MTSS1: variants seen among roughly 807,000 people sequenced by gnomAD.
The protein encoded by MTSS1 is MTSS I-BAR domain containing 1.
A neutral mutation model predicts 79.0 loss-of-function variants in MTSS1; 18 were observed. The ratio of observed to expected loss-of-function variants is 0.23; its 90% CI spans 0.16 to 0.34. The LOEUF (loss-of-function observed/expected upper bound fraction) is 0.34, where lower values mean the gene tolerates loss of function less well. Among genes scored for constraint, MTSS1 ranks in the 10% least tolerant of loss-of-function variants. The probability of loss-of-function intolerance (pLI) is 1.00; values close to 1 mark genes in which losing one functional copy is unlikely to be tolerated. For missense variants in MTSS1, 815 were observed against 986.2 expected, an observed-to-expected ratio of 0.83 and a Z score of 2.33; for synonymous variants, 341 against 368.6, an observed-to-expected ratio of 0.93 and a Z score of 0.86.
intron 3 of MTSS1, among the ~76,000 whole-genome samples, chr8:124,607,579 G>A (rs1353972206): frequency 6.6e-6 from 1 of 152,146 alleles, no homozygotes; most frequent in East Asian, 1.9e-4. Flanking sequence ...AGGAGAGAAA[G>A]CAGCACCGTG....
intron 3 of MTSS1, among the ~76,000 whole-genome samples, chr8:124,636,206 TG>T (rs1488194898): frequency 1.3e-5 from 2 of 152,204 alleles, no homozygotes; most frequent in Non-Finnish European, 2.9e-5. Flanking sequence ...CTCCGCTCAC[TG>T]CAACCTCTGC....
chr8:124,663,250 AAGAC>A (rs527762821), intron 3 of MTSS1, among the ~76,000 whole-genome samples: 79 of 152,234 alleles, frequency 5.2e-4, no homozygotes, highest in Middle Eastern at 3.4e-3. Flanking sequence ...ACCTCATGCT[AAGAC>A]AGACAGACAG....
At chr8:124,584,634 C>T (rs1486229364) in intron 6 of MTSS1, among the ~76,000 whole-genome samples, 6 of 152,178 alleles carry the variant, frequency 3.9e-5, no homozygotes, top group African/African-American at 1.4e-4. Flanking sequence ...CCTGTATGGC[C>T]ATGACTCCCA....
chr8:124,679,750 C>T (rs895447209), intron 3 of MTSS1, among the ~76,000 whole-genome samples: 2 of 152,238 alleles, frequency 1.3e-5, no homozygotes, highest in African/African-American at 4.8e-5. Context: ...AATGCCAACA[C>T]AAGACTTATA....
At chr8:124,606,169 T>C (rs112961407) in intron 3 of MTSS1, among the ~76,000 whole-genome samples, 2 of 114,552 alleles carry the variant, frequency 1.7e-5, no homozygotes, top group Admixed American at 1.7e-4. Flanking sequence ...GTTTGGTTTT[T>C]TGTTTTTTTT....
chr8:124,679,282 G>A (rs769828770), intron 3 of MTSS1, among the ~76,000 whole-genome samples: 6 of 152,190 alleles, frequency 3.9e-5, no homozygotes, highest in Non-Finnish European at 8.8e-5. Context: ...CACTGCAGTC[G>A]CACACTGTAG....
chr8:124,717,938 T>C (rs2135738147), intron 1 of MTSS1, among the ~76,000 whole-genome samples: 1 of 152,246 alleles, frequency 6.6e-6, no homozygotes, highest in South Asian at 2.1e-4. Context: ...ACCAAATGAA[T>C]TAATTAGAGA....
At chr8:124,605,848 A>G (rs1834741697) in intron 3 of MTSS1, among the ~76,000 whole-genome samples, 1 of 152,130 alleles carries the variant, frequency 6.6e-6, no homozygotes, top group South Asian at 2.1e-4. Flanking sequence ...TATTAGGAAT[A>G]GCTCCCATTT....
intron 3 of MTSS1, among the ~76,000 whole-genome samples, chr8:124,646,990 C>T (rs139106374): frequency 8.3e-4 from 127 of 152,228 alleles, no homozygotes; most frequent in Middle Eastern, 3.4e-3. Flanking sequence ...GGACTACAGG[C>T]ATGTGCCACC....
At chr8:124,670,216 G>A (rs922564478) in intron 3 of MTSS1, among the ~76,000 whole-genome samples, 3 of 152,158 alleles carry the variant, frequency 2.0e-5, no homozygotes, top group Non-Finnish European at 4.4e-5. Flanking sequence ...GCCCTCCTGA[G>A]GTTATATTTG....
At chr8:124,711,423 T>C (rs1321189264) in intron 1 of MTSS1, among the ~76,000 whole-genome samples, 1 of 152,124 alleles carries the variant, frequency 6.6e-6, no homozygotes, top group Non-Finnish European at 1.5e-5. Flanking sequence ...CAGGTTGCAA[T>C]AGGATGCCAG....
intron 3 of MTSS1, among the ~76,000 whole-genome samples, chr8:124,619,932 T>TTTTTCTTTTC (rs138460701): frequency 0.011 from 1,683 of 149,668 alleles, 32 homozygotes; most frequent in African/African-American, 0.033. Context: ...AGCACAACTG[T>TTTTTCTTTTC]TTTTCTTTTC....
chr8:124,665,179 T>C (rs78068845), intron 3 of MTSS1, among the ~76,000 whole-genome samples: 3 of 152,208 alleles, frequency 2.0e-5, no homozygotes, highest in Admixed American at 1.3e-4. Flanking sequence ...ATGTCTATAA[T>C]AAGAAGCAGG....
chr8:124,668,405 T>G (rs1823515449), intron 3 of MTSS1, among the ~76,000 whole-genome samples: 1 of 152,132 alleles, frequency 6.6e-6, no homozygotes, highest in African/African-American at 2.4e-5. Context: ...TCAGCTCACA[T>G]CTACGGCAGG....
chr8:124,622,695 A>T (rs1369915183), intron 3 of MTSS1, among the ~76,000 whole-genome samples: 1 of 150,854 alleles, frequency 6.6e-6, no homozygotes, highest in African/African-American at 2.4e-5. Flanking sequence ...CGGGAGGCTG[A>T]GGCAGGAGAA....
At chr8:124,565,925 A>T (rs1358914198) in intron 8 of MTSS1, 166 bp from the exon 9 acceptor site, 1 of 522,556 alleles carries the variant, frequency 1.9e-6, no homozygotes, top group Non-Finnish European at 3.4e-6. Flanking sequence ...ACAGTACCAA[A>T]TCCATCAATA....
chr8:124,710,294 G>C (rs1043814811), intron 1 of MTSS1, among the ~76,000 whole-genome samples: 1 of 152,246 alleles, frequency 6.6e-6, no homozygotes, highest in African/African-American at 2.4e-5. Flanking sequence ...GGTGATGGGA[G>C]AACCTGGCTA....
intron 3 of MTSS1, among the ~76,000 whole-genome samples, chr8:124,593,514 T>TA (rs1157832389): frequency 6.6e-6 from 1 of 152,186 alleles, no homozygotes; most frequent in African/African-American, 2.4e-5. Context: ...AAAATCCCAT[T>TA]ACAGGGATCT....
intron 1 of MTSS1, among the ~76,000 whole-genome samples, chr8:124,708,418 T>C (rs1182901215): frequency 1.3e-5 from 2 of 152,224 alleles, no homozygotes; most frequent in African/African-American, 2.4e-5. Context: ...CCATCCAGAC[T>C]GGAACCCCCC....
Sources: gnomAD v4.1 joint callset for allele counts (sites outside exome capture counted in the v4.1 genomes callset) on GRCh38, gnomAD v4.1.1 for gene constraint, MANE v1.5 for transcripts, NCBI Gene and HGNC (gene_info 2026-07-23, HGNC 2026-07-21) for gene names.